The following ROBO2 variants were observed in gnomAD, a reference collection of about 807,000 sequenced individuals.
ROBO2 encodes the protein roundabout guidance receptor 2, also known as roundabout homolog 2.
ROBO2 carries 53 observed loss-of-function variants against 160.8 expected under a neutral mutation model. That is an observed-to-expected ratio of 0.33 (90% confidence interval 0.26 to 0.41). The LOEUF (loss-of-function observed/expected upper bound fraction) is 0.41. ROBO2 is among the 10% of genes least tolerant of loss of function. The probability of loss-of-function intolerance (pLI) is 1.00; values close to 1 mark genes in which losing one functional copy is unlikely to be tolerated. For missense variants in ROBO2, 1,577 were observed against 1,722.4 expected (o/e 0.92, Z 1.49); for synonymous variants, 664 against 611.7 (o/e 1.09, Z -1.26).
chr3:76,125,746 T>C (rs2108310618), intron 2 of ROBO2, among the ~76,000 whole-genome samples: 1 of 152,226 alleles, frequency 6.6e-6, no homozygotes, highest in African/African-American at 2.4e-5. Flanking sequence ...TTTTTCTCCC[T>C]CATAAGCTTA....
chr3:75,938,461 T>C (rs1947896086), intron 2 of ROBO2, among the ~76,000 whole-genome samples: 1 of 152,084 alleles, frequency 6.6e-6, no homozygotes, highest in Admixed American at 6.6e-5. Context: ...TCTTTTCCTT[T>C]TGGGGCAAGT....
chr3:77,182,259 A>G (rs1223267990), intron 2 of ROBO2, among the ~76,000 whole-genome samples: 1 of 152,108 alleles, frequency 6.6e-6, no homozygotes, highest in Non-Finnish European at 1.5e-5. Flanking sequence ...GAAAAAGCCA[A>G]ATAATTCAGA....
At chr3:77,133,146 A>G (rs1294245332) in intron 2 of ROBO2, among the ~76,000 whole-genome samples, 1 of 152,204 alleles carries the variant, frequency 6.6e-6, no homozygotes. Flanking sequence ...ATTATGGTTT[A>G]TAAGTACAAT....
chr3:77,149,380 G>T (rs113985505), intron 2 of ROBO2, among the ~76,000 whole-genome samples: 2,037 of 152,200 alleles, frequency 0.013, 41 homozygotes, highest in African/African-American at 0.046. Flanking sequence ...TGTGAAGATA[G>T]TAGTATTTAA....
intron 2 of ROBO2, among the ~76,000 whole-genome samples, chr3:76,933,761 T>G (rs1030061687): frequency 2.6e-5 from 4 of 152,174 alleles, no homozygotes; most frequent in Middle Eastern, 3.2e-3. Flanking sequence ...AACAAATTAG[T>G]TTAGGGACAA....
At chr3:76,100,827 C>G (rs1257576041) in intron 2 of ROBO2, among the ~76,000 whole-genome samples, 1 of 152,128 alleles carries the variant, frequency 6.6e-6, no homozygotes, top group East Asian at 1.9e-4. Flanking sequence ...TTCCTGGACT[C>G]TTCAATACTG....
chr3:75,998,405 G>A (rs1430968066), intron 2 of ROBO2, among the ~76,000 whole-genome samples: 1 of 152,084 alleles, frequency 6.6e-6, no homozygotes, highest in African/African-American at 2.4e-5. Context: ...AGTTTTTGTA[G>A]AACTCCTCTA....
chr3:76,231,740 C>A (rs556801480), intron 2 of ROBO2, among the ~76,000 whole-genome samples: 1 of 152,262 alleles, frequency 6.6e-6, no homozygotes, highest in South Asian at 2.1e-4. Flanking sequence ...ATGAAGCAAT[C>A]TTCTGTATAG....
intron 16 of ROBO2, 37 bp downstream of exon 17, chr3:77,580,155 A>G: frequency 6.2e-7 from 1 of 1,602,136 alleles, no homozygotes; most frequent in Non-Finnish European, 8.6e-7. Flanking sequence ...CTTTAGAATC[A>G]GTCAGCTGAC....
intron 2 of ROBO2, among the ~76,000 whole-genome samples, chr3:76,669,458 G>C (rs922162844): frequency 2.6e-5 from 4 of 152,116 alleles, no homozygotes; most frequent in Non-Finnish European, 4.4e-5. Context: ...CCAAGAAAAA[G>C]GGAATATGAA....
chr3:76,442,479 C>T (rs1279489221), intron 2 of ROBO2, among the ~76,000 whole-genome samples: 1 of 152,114 alleles, frequency 6.6e-6, no homozygotes, highest in Non-Finnish European at 1.5e-5. Flanking sequence ...TTACTGGTGG[C>T]TCAGGGCAGT....
intron 2 of ROBO2, among the ~76,000 whole-genome samples, chr3:76,053,392 G>A (rs1386402455): frequency 6.6e-6 from 1 of 151,954 alleles, no homozygotes; most frequent in East Asian, 1.9e-4. Flanking sequence ...AGTTAAAAAT[G>A]CATTGTAGAT....
intron 2 of ROBO2, among the ~76,000 whole-genome samples, chr3:76,459,127 C>T (rs747568970): frequency 4.6e-5 from 7 of 152,228 alleles, no homozygotes; most frequent in East Asian, 1.9e-4. Flanking sequence ...TGGCTCACTC[C>T]GCTTCGTTTG....
At chr3:77,480,845 C>T (rs1337905829) in intron 3 of ROBO2, among the ~76,000 whole-genome samples, 1 of 151,918 alleles carries the variant, frequency 6.6e-6, no homozygotes, top group Non-Finnish European at 1.5e-5. Context: ...AGGTCAGTCA[C>T]AAGACTCAAA....
intron 2 of ROBO2, among the ~76,000 whole-genome samples, chr3:77,268,742 T>A (rs1226001221): frequency 1.3e-5 from 2 of 152,152 alleles, no homozygotes; most frequent in East Asian, 3.9e-4. Context: ...GAAGCAGACA[T>A]CTATTGCTAA....
intron 2 of ROBO2, among the ~76,000 whole-genome samples, chr3:76,220,293 A>G (rs998178132): frequency 6.6e-6 from 1 of 151,884 alleles, no homozygotes; most frequent in Admixed American, 6.6e-5. Context: ...AAGCCTGCAC[A>G]TTGTGCATAT....
chr3:77,596,729 A>T (rs781213462), exon 19 of ROBO2: 1 of 1,613,184 alleles, frequency 6.2e-7, no homozygotes, highest in Admixed American at 1.7e-5. Flanking sequence ...CCCAAATGAG[A>T]TTGGAAATTT....
intron 2 of ROBO2, among the ~76,000 whole-genome samples, chr3:77,238,772 T>C (rs1191684794): frequency 6.6e-6 from 1 of 152,220 alleles, no homozygotes; most frequent in African/African-American, 2.4e-5. Context: ...ACCTTGGTCC[T>C]CTACATATAC....
At chr3:76,029,587 A>G (rs575820701) in intron 2 of ROBO2, among the ~76,000 whole-genome samples, 56 of 152,078 alleles carry the variant, frequency 3.7e-4, no homozygotes, top group African/African-American at 1.1e-3. Flanking sequence ...TCATTGTTCA[A>G]TTCTCACCTG....
Sources: gnomAD v4.1 joint callset for allele counts (sites outside exome capture counted in the v4.1 genomes callset) on GRCh38, gnomAD v4.1.1 for gene constraint, MANE v1.5 for transcripts, NCBI Gene and HGNC (gene_info 2026-07-23, HGNC 2026-07-21) for gene names.